Variants in ALK observed in about 807,000 individuals in gnomAD.
The protein encoded by ALK is ALK tyrosine kinase receptor.
In ALK, 74 loss-of-function variants were observed where a neutral mutation model predicts 163.1. That is an observed-to-expected ratio of 0.45 (90% CI 0.38 to 0.55). The LOEUF (loss-of-function observed/expected upper bound fraction) is 0.55, where lower values mean the gene tolerates loss of function less well. ALK is among the 20% of genes least tolerant of loss of function. The pLI is 0.00. For missense variants in ALK, 2,063 were observed against 2,105.3 expected (o/e 0.98, Z 0.39); for synonymous variants, 960 against 843.2 (o/e 1.14, Z -2.40).
chr2:29,659,822 T>G (rs1046227142), intron 3 of ALK, among the ~76,000 whole-genome samples: 1 of 152,140 alleles, frequency 6.6e-6, no homozygotes, highest in East Asian at 1.9e-4. Flanking sequence ...ATCAATCTCT[T>G]AGAGGAGCCC....
chr2:29,340,179 C>G (rs192518995), intron 5 of ALK, among the ~76,000 whole-genome samples: 2 of 152,282 alleles, frequency 1.3e-5, no homozygotes, highest in East Asian at 3.9e-4. Context: ...CTGCACCATA[C>G]CTCCCCGTAA....
intron 4 of ALK, among the ~76,000 whole-genome samples, chr2:29,398,757 G>A (rs1669372832): frequency 6.6e-6 from 1 of 152,140 alleles, no homozygotes; most frequent in African/African-American, 2.4e-5. Flanking sequence ...CGTGACAAAG[G>A]CTGGAAAGAT....
At chr2:29,416,635 T>C (rs866142634) in intron 4 of ALK, among the ~76,000 whole-genome samples, 6 of 152,330 alleles carry the variant, frequency 3.9e-5, no homozygotes, top group Middle Eastern at 3.4e-3. Flanking sequence ...GTGGCTCTTG[T>C]AGAAAGAATA....
intron 3 of ALK, among the ~76,000 whole-genome samples, chr2:29,577,446 A>C (rs1157570962): frequency 3.3e-5 from 5 of 152,240 alleles, no homozygotes; most frequent in Non-Finnish European, 7.3e-5. Context: ...AATGGTGGGA[A>C]GGTGGTAGGA....
At chr2:29,852,937 G>A (rs575874512) in intron 1 of ALK, among the ~76,000 whole-genome samples, 7 of 151,924 alleles carry the variant, frequency 4.6e-5, no homozygotes, top group East Asian at 1.9e-4. Flanking sequence ...AGCCATCACT[G>A]GTGGACACTG....
In ALK at chr2:29,714,726, T is replaced by A. The variant is rs1177977416; in HGVS notation, c.787+2852A>T. Among the ~76,000 whole-genome samples the A allele has an allele frequency of 2.0e-5, 3 of 152,216 alleles. No individual in the cohort carries two copies. In the East Asian group the frequency reaches 5.8e-4, roughly 29 times the overall value. Reference sequence around the variant, plus strand: ...ATCCCTTCAGGCAGCAATTTTCCAGTCAAATTTATCTGCCCAAGTTTGAGG... The same window carrying A: ...ATCCCTTCAGGCAGCAATTTTCCAGACAAATTTATCTGCCCAAGTTTGAGG... On this transcript the variant is annotated intron_variant, in intron 2 of 28. Coordinates refer to ENST00000389048, the MANE Select transcript of ALK (RefSeq NM_004304.5).
intron 5 of ALK, among the ~76,000 whole-genome samples, chr2:29,347,903 G>T (rs941866843): frequency 6.6e-6 from 1 of 152,198 alleles, no homozygotes. Context: ...CGATTCAGTA[G>T]ATCTAGGATA....
intron 2 of ALK, among the ~76,000 whole-genome samples, chr2:29,700,876 C>A (rs1558449009): frequency 6.6e-6 from 1 of 152,182 alleles, no homozygotes; most frequent in Non-Finnish European, 1.5e-5. Context: ...TTGTCAATGA[C>A]AAACCACCTT....
intron 1 of ALK, among the ~76,000 whole-genome samples, chr2:29,918,603 C>A (rs539473914): frequency 1.4e-4 from 21 of 152,244 alleles, no homozygotes; most frequent in African/African-American, 5.1e-4. Context: ...AAATGTGCAT[C>A]CGCACTCTGT....
intron 4 of ALK, among the ~76,000 whole-genome samples, chr2:29,528,584 G>A (rs1351406805): frequency 6.6e-6 from 1 of 152,056 alleles, no homozygotes; most frequent in East Asian, 1.9e-4. Context: ...CTGTGACCTT[G>A]TTGTCTTTGG....
Position 29,223,424 on chromosome 2 carries a change from T to C in ALK, c.3277A>G (p.Asn1093Asp). ...TTGCCAGCAAAGCAGTAGTTGGGGTTGTAGTCGGTCATGATGGTCGAGGTG... is the reference window on the plus strand; with the variant it reads ...TTGCCAGCAAAGCAGTAGTTGGGGTCGTAGTCGGTCATGATGGTCGAGGTG... ...LRTSTIMTDY[N>D]PNYCFAGKTS... The change falls in exon 20 of 29, where the codon AAC (asparagine) becomes GAC (aspartate). Residue 1093 changes from asparagine (N) to aspartate (D), a missense_variant. This residue lies in a region of ALK where 575 missense variants were observed against 626.6 expected (regional missense o/e 0.92). Coordinates refer to ENST00000389048, the MANE Select transcript of ALK (RefSeq NM_004304.5). The C allele has an allele frequency of 6.2e-7, 1 of 1,614,190 alleles. No homozygotes were observed. Among genetic ancestry groups the C allele is most frequent in the Non-Finnish European group, 8.5e-7 (1 of 1,180,046 alleles).
At chr2:29,393,872 A>G (rs1479271110) in intron 4 of ALK, among the ~76,000 whole-genome samples, 2 of 152,238 alleles carry the variant, frequency 1.3e-5, no homozygotes, top group Admixed American at 6.5e-5. Context: ...AGTCACCACA[A>G]ATAATTACTG....
rs775514690 is a variant in ALK at position 29,383,834 on chromosome 2, C to G, written c.1180G>C (p.Gly394Arg). ...HGWTVLQGRIGRPDNPFRVAL... is the reference protein window; with the variant it reads ...HGWTVLQGRIRRPDNPFRVAL... ...ACTCGAAATGGGTTGTCTGGACGCC[C>G]GATTCTTCCCTGGAGCACTGTCCAA... is the stretch of plus-strand genomic sequence containing the variant. Residue 394 changes from glycine (G) to arginine (R), a missense_variant, in exon 5 of 29, where the codon GGG becomes CGG. Gly to Arg is a moderately radical substitution (Grantham distance 125). Coordinates refer to ENST00000389048, the MANE Select transcript of ALK (RefSeq NM_004304.5). The G allele has an allele frequency of 6.2e-7, 1 of 1,614,036 alleles. No individual in the cohort carries two copies. Among genetic ancestry groups the G allele is most frequent in the Non-Finnish European group, 8.5e-7 (1 of 1,179,952 alleles).
chr2:29,921,139 G>T lies in ALK; in HGVS notation c.-480C>A, dbSNP rs941883592. 2 of 238,944 alleles carry T rather than the reference G, an allele frequency of 8.4e-6. No homozygotes were observed. The highest frequency in any genetic ancestry group is 2.2e-5 in the African/African-American group (1 of 45,480). The allele number at this position is 238,944 out of a possible 1,614,324, so 14.8% of individuals were successfully genotyped here. On this transcript the variant is annotated 5_prime_UTR_variant, in exon 1 of 29. Coordinates refer to ENST00000389048, the MANE Select transcript of ALK (RefSeq NM_004304.5). ...CTCCCAGCTGCTGCACGCTGTCCTG[G>T]CCGCCTTTTGCGTTCCTTTTGGCTC...
At chr2:29,342,877 CTTTTTTTTTT>C (rs57838065) in intron 5 of ALK, among the ~76,000 whole-genome samples, 6 of 90,452 alleles carry the variant, frequency 6.6e-5, no homozygotes, top group Admixed American at 2.9e-4. Flanking sequence ...GCTCAGTGAT[CTTTTTTTTTT>C]TTTTTTTTTT....
At chr2:29,736,765 T>C (rs1434434400) in intron 1 of ALK, among the ~76,000 whole-genome samples, 2 of 152,104 alleles carry the variant, frequency 1.3e-5, no homozygotes, top group African/African-American at 4.8e-5. Flanking sequence ...AAAATGCTTA[T>C]TGAATTTGTA....
intron 3 of ALK, among the ~76,000 whole-genome samples, chr2:29,570,535 C>T (rs903206311): frequency 6.6e-6 from 1 of 152,184 alleles, no homozygotes; most frequent in African/African-American, 2.4e-5. Flanking sequence ...GGTCAAACAG[C>T]CTGAGACACA....
At chr2:29,704,508 T>C (rs912429676) in intron 2 of ALK, among the ~76,000 whole-genome samples, 6 of 152,180 alleles carry the variant, frequency 3.9e-5, no homozygotes, top group African/African-American at 9.7e-5. Flanking sequence ...AAGCTGTGTA[T>C]AACAAAAAAC....
rs2148169266 is a variant in ALK at position 29,222,563 on chromosome 2, A to G, written c.3404T>C (p.Val1135Ala). Residue 1135 changes from valine to alanine, a missense_variant, in exon 21 of 29, where the codon GTG becomes GCG. Physicochemically the swap from Val to Ala is moderately conservative, Grantham distance 64. Around this residue, in one of 5 missense-constraint regions of ALK, gnomAD observed 575 missense variants for 626.6 expected, o/e 0.92. Transcript: ENST00000389048. The stretch of plus-strand genomic sequence containing the variant: ...GCTTGGGTCGTTGGGCATTCCGGAC[A>G]CCTGGCCTTCATACACCTCCCCAAA... ...GAFGEVYEGQ[V>A]SGMPNDPSPL... The G allele has an allele frequency of 6.2e-7, 1 of 1,613,968 alleles. No individual in the cohort carries two copies. The highest frequency in any genetic ancestry group is 8.5e-7 in the Non-Finnish European group (1 of 1,180,004).
Sources: allele counts gnomAD v4.1 joint callset (sites outside exome capture counted in the v4.1 genomes callset), GRCh38; gene constraint gnomAD v4.1.1; regional missense constraint gnomAD v4.1.1; transcripts MANE v1.5; gene names NCBI Gene and HGNC (gene_info 2026-07-23, HGNC 2026-07-21).